The following MID1 variants were observed in gnomAD, a reference collection of about 807,000 sequenced individuals.
MID1 encodes E3 ubiquitin-protein ligase Midline-1.
MID1 carries 7 observed loss-of-function variants against 40.4 expected under a neutral mutation model. The ratio of observed to expected loss-of-function variants is 0.17; its 90% CI spans 0.10 to 0.33. MID1 has a LOEUF of 0.33. Ranked by LOEUF, MID1 falls within the 10% of genes least tolerant of loss-of-function variation. The probability of loss-of-function intolerance (pLI) is 1.00; values close to 1 mark genes in which losing one functional copy is unlikely to be tolerated. For missense variants in MID1, 367 were observed against 558.5 expected (o/e 0.66, Z 3.46); for synonymous variants, 229 against 221.2 (o/e 1.04, Z -0.31).
At chrX:10,818,574 T>A (rs748280432) in intron 1 of MID1, among the ~76,000 whole-genome samples, 1 of 112,066 alleles carries the variant, frequency 8.9e-6, no homozygotes, top group Non-Finnish European at 1.9e-5. Flanking sequence ...TGATTTGGAG[T>A]GGAAGCAGTA....
At chrX:10,742,801 A>T (rs1788686528) in intron 1 of MID1, among the ~76,000 whole-genome samples, 1 of 112,231 alleles carries the variant, frequency 8.9e-6, no homozygotes, top group Non-Finnish European at 1.9e-5. Context: ...TAATGCATTA[A>T]CTTCAACCTA....
chrX:10,576,028 T>C (rs1003076130), intron 1 of MID1, among the ~76,000 whole-genome samples: 3 of 109,210 alleles, frequency 2.7e-5, no homozygotes, highest in East Asian at 2.9e-4. Flanking sequence ...GACAAGCAGA[T>C]GAGCACTGAG....
intron 5 of MID1, among the ~76,000 whole-genome samples, chrX:10,479,217 G>A (rs1318921431): frequency 9.0e-6 from 1 of 111,511 alleles, no homozygotes; most frequent in Non-Finnish European, 1.9e-5. Flanking sequence ...TCTTTTGTGG[G>A]TATATAGTAG....
intron 1 of MID1, among the ~76,000 whole-genome samples, chrX:10,611,767 G>A (rs769948126): frequency 1.9e-4 from 21 of 111,508 alleles, no homozygotes; most frequent in Non-Finnish European, 3.4e-4. Context: ...ATGAGGATTA[G>A]TTTGGCTCCT....
intron 1 of MID1, among the ~76,000 whole-genome samples, chrX:10,696,707 G>GT (rs2043165886): frequency 8.9e-6 from 1 of 112,098 alleles, no homozygotes; most frequent in Admixed American, 9.5e-5. Flanking sequence ...AATTTTAATT[G>GT]TTTTAATGTT....
chrX:10,670,118 T>C (rs989739296), intron 1 of MID1, among the ~76,000 whole-genome samples: 3 of 112,307 alleles, frequency 2.7e-5, no homozygotes, highest in Non-Finnish European at 5.6e-5. Flanking sequence ...AAGGAACAAA[T>C]GGAATAAAAT....
chrX:10,559,417 T>C (rs1011740993), intron 2 of MID1, among the ~76,000 whole-genome samples: 1 of 112,584 alleles, frequency 8.9e-6, no homozygotes, highest in Non-Finnish European at 1.9e-5. Context: ...TGTGTCTGAG[T>C]TATTCACATA....
At chrX:10,699,527 T>C (rs1463333194) in intron 1 of MID1, among the ~76,000 whole-genome samples, 1 of 111,816 alleles carries the variant, frequency 8.9e-6, no homozygotes, top group Admixed American at 9.5e-5. Context: ...GAGGCTCACA[T>C]TGGACTCATC....
chrX:10,782,210 CT>C (rs2043852094), intron 1 of MID1, among the ~76,000 whole-genome samples: 1 of 111,862 alleles, frequency 8.9e-6, no homozygotes, highest in South Asian at 3.7e-4. Flanking sequence ...ATCATGAAAT[CT>C]CTTTTCTTCC....
chrX:10,566,504 TCTCTCTCCCTCTCTCTCCCTCTCTCTCC>T (rs1185627574), intron 2 of MID1, among the ~76,000 whole-genome samples: 10 of 43,031 alleles, frequency 2.3e-4, no homozygotes, highest in African/African-American at 6.7e-4. Flanking sequence ...TCATTCTCTC[TCTCTCTCCCTCTCTCTCCCTCTCTCTCC>T]CTCTCTCTCT....
chrX:10,626,359 C>T (rs1319037858), intron 1 of MID1, among the ~76,000 whole-genome samples: 1 of 105,687 alleles, frequency 9.5e-6, no homozygotes, highest in Non-Finnish European at 1.9e-5. Context: ...GACTAGGTCT[C>T]GCTGTGTTGC....
At chrX:10,751,124 G>A (rs1489072832) in intron 1 of MID1, among the ~76,000 whole-genome samples, 16 of 109,650 alleles carry the variant, frequency 1.5e-4, no homozygotes, top group African/African-American at 5.3e-4. Flanking sequence ...AACTAGCTGG[G>A]CGTGTTGGCG....
At chrX:10,471,377 T>A (rs938512167) in intron 6 of MID1, among the ~76,000 whole-genome samples, 2 of 112,476 alleles carry the variant, frequency 1.8e-5, no homozygotes, top group African/African-American at 3.2e-5. Context: ...CAGAAGCAAG[T>A]CTACGGTATT....
chrX:10,716,475 G>C (rs1248791293), intron 1 of MID1, among the ~76,000 whole-genome samples: 15 of 111,726 alleles, frequency 1.3e-4, no homozygotes, highest in Middle Eastern at 9.2e-3. Context: ...GAAATGAAGT[G>C]AGAAGAGAAG....
intron 1 of MID1, among the ~76,000 whole-genome samples, chrX:10,577,851 C>T (rs1263558409): frequency 1.9e-5 from 2 of 107,651 alleles, no homozygotes; most frequent in Non-Finnish European, 3.8e-5. Context: ...AAAAGTCCTG[C>T]GCTGCAGTTC....
At chrX:10,590,860 T>G (rs1168849919) in intron 1 of MID1, among the ~76,000 whole-genome samples, 1 of 111,742 alleles carries the variant, frequency 8.9e-6, no homozygotes, top group Non-Finnish European at 1.9e-5. Context: ...CCCAAGGGAG[T>G]TGACTTAAGA....
chrX:10,689,645 T>A (rs1232366945), intron 1 of MID1, among the ~76,000 whole-genome samples: 1 of 111,567 alleles, frequency 9.0e-6, no homozygotes, highest in Non-Finnish European at 1.9e-5. Flanking sequence ...AGTCTTTTTT[T>A]CTGGGCTTTG....
At chrX:10,568,920 A>G (rs1934647401) in intron 1 of MID1, among the ~76,000 whole-genome samples, 1 of 111,766 alleles carries the variant, frequency 8.9e-6, no homozygotes, top group African/African-American at 3.3e-5. Flanking sequence ...CATGCAGCCC[A>G]TTGCAGGCTG....
intron 4 of MID1, among the ~76,000 whole-genome samples, chrX:10,493,037 T>G (rs748271505): frequency 2.7e-5 from 3 of 111,446 alleles, no homozygotes; most frequent in Non-Finnish European, 5.7e-5. Flanking sequence ...TGTGGTGGAG[T>G]GCCCTTGCAG....
Sources: gnomAD v4.1 joint callset for allele counts (sites outside exome capture counted in the v4.1 genomes callset) on GRCh38, gnomAD v4.1.1 for gene constraint, MANE v1.5 for transcripts, NCBI Gene and HGNC (gene_info 2026-07-23, HGNC 2026-07-21) for gene names.